The following EXOC4 variants were observed in gnomAD, a reference collection of about 807,000 sequenced individuals.
EXOC4 encodes the protein exocyst complex component 4.
Under a neutral mutation model 107.2 loss-of-function variants are expected in EXOC4, and 71 were observed. The ratio of observed to expected loss-of-function variants is 0.66; its 90% CI spans 0.55 to 0.81. The LOEUF is 0.81. Ranked by LOEUF, EXOC4 falls within the 30% of genes least tolerant of loss-of-function variation. The pLI, the probability that EXOC4 is intolerant of heterozygous loss-of-function variation, is 0.00. For synonymous variants in EXOC4, 456 were observed against 441.2 expected (o/e 1.03, Z -0.42); for missense variants, 1,108 against 1,189.6 (o/e 0.93, Z 1.01).
intron 3 of EXOC4, among the ~76,000 whole-genome samples, chr7:133,302,953 C>T (rs1167094468): frequency 6.6e-6 from 1 of 152,172 alleles, no homozygotes; most frequent in Non-Finnish European, 1.5e-5. Context: ...TAATTATGCA[C>T]ATTCCTAAAT....
chr7:133,966,639 G>T (rs561542632), intron 14 of EXOC4, among the ~76,000 whole-genome samples: 1 of 152,138 alleles, frequency 6.6e-6, no homozygotes, highest in Non-Finnish European at 1.5e-5. Flanking sequence ...ATTGATTTGC[G>T]TATGTTGAAC....
At chr7:133,857,161 T>C (rs1263068607) in intron 11 of EXOC4, among the ~76,000 whole-genome samples, 6 of 8,690 alleles carry the variant, frequency 6.9e-4, no homozygotes, top group Admixed American at 1.3e-3. Flanking sequence ...TATATATATA[T>C]ATATATATAT....
chr7:133,865,848 C>T (rs1026687947), intron 11 of EXOC4, among the ~76,000 whole-genome samples: 1 of 152,202 alleles, frequency 6.6e-6, no homozygotes, highest in African/African-American at 2.4e-5. Flanking sequence ...CACCAAGCCC[C>T]TCTTCCAACA....
At chr7:134,041,115 G>C (rs1406231995) in intron 17 of EXOC4, among the ~76,000 whole-genome samples, 3 of 152,154 alleles carry the variant, frequency 2.0e-5, no homozygotes, top group Admixed American at 6.5e-5. Context: ...TTCTGTTTGA[G>C]TTGATCCTAA....
intron 10 of EXOC4, among the ~76,000 whole-genome samples, chr7:133,723,637 A>G (rs1276453112): frequency 1.3e-5 from 2 of 151,918 alleles, no homozygotes; most frequent in Non-Finnish European, 2.9e-5. Context: ...TTACAGGCAT[A>G]TGTCATCATG....
At chr7:134,010,669 C>G (rs1399656767) in intron 17 of EXOC4, among the ~76,000 whole-genome samples, 1 of 152,220 alleles carries the variant, frequency 6.6e-6, no homozygotes, top group Non-Finnish European at 1.5e-5. Flanking sequence ...TGGACAGCAT[C>G]TGTATTTCCA....
chr7:133,898,767 AAAG>A lies in EXOC4; in HGVS notation c.1871+3034_1871+3036del, dbSNP rs1273332341. On this transcript the variant is annotated intron_variant, in intron 12 of 17. Transcript: ENST00000253861. ...TCTCAAAAAAAAAAAAAAAAAAAAA[AAAG>A]AGTTCGAGACCAGCCTGGCCAACAT... is the stretch of plus-strand genomic sequence containing the variant. Among the ~76,000 whole-genome samples the A allele has an allele frequency of 1.3e-4, 16 of 126,542 alleles. No homozygotes were observed. The South Asian group carries it at 4.0e-3, about 32-fold the overall frequency. 83.0% of individuals were successfully genotyped at this position (126,542 alleles called of 152,430 possible).
At chr7:133,362,018 A>G (rs1026495728) in intron 6 of EXOC4, among the ~76,000 whole-genome samples, 3 of 152,162 alleles carry the variant, frequency 2.0e-5, no homozygotes, top group Non-Finnish European at 4.4e-5. Flanking sequence ...AACTCTTTAC[A>G]TATATAGGAA....
rs547357600 is a variant in EXOC4 at position 134,024,405 on chromosome 7, C to T, written c.2687+16570C>T. ...GGTGGAGCTTCCAGTGAGCCGAGAT[C>T]GCGCCACTGCACTCTAGCCTGGGTT... On this transcript the variant is annotated intron_variant, in intron 17 of 17. Transcript: ENST00000253861. 5.3e-5 allele frequency among the ~76,000 whole-genome samples: 8 copies of T among 151,270 alleles called. 1 individual carries two copies. The South Asian group carries it at 1.7e-3, about 32-fold the overall frequency.
rs1330240046 is a variant in EXOC4 at position 133,572,736 on chromosome 7, G to C, written c.1418-57309G>C. Among the ~76,000 whole-genome samples the C allele has an allele frequency of 1.8e-4, 27 of 152,206 alleles. No homozygotes were observed. In the East Asian group the frequency reaches 2.9e-3, roughly 16 times the overall value. On this transcript the variant is annotated intron_variant, in intron 9 of 17. Coordinates refer to ENST00000253861, the MANE Select transcript of EXOC4 (RefSeq NM_021807.4). ...GTTGGCATTCCAGGGAAGCTTTTGGGGTCCTTAAATGTCATTCCACTGAAA... is the reference window on the plus strand; with the variant it reads ...GTTGGCATTCCAGGGAAGCTTTTGGCGTCCTTAAATGTCATTCCACTGAAA...
chr7:133,355,921 G>A (rs971200307), intron 5 of EXOC4, among the ~76,000 whole-genome samples: 2 of 151,798 alleles, frequency 1.3e-5, no homozygotes, highest in African/African-American at 4.8e-5. Flanking sequence ...TTTCTCCAGC[G>A]ACTTACCACT....
intron 9 of EXOC4, among the ~76,000 whole-genome samples, chr7:133,523,421 T>C (rs1281125401): frequency 6.7e-6 from 1 of 150,182 alleles, no homozygotes; most frequent in Non-Finnish European, 1.5e-5. Flanking sequence ...AAATTAAGAG[T>C]ATATATACCT....
chr7:133,734,439 T>TC (rs1202082326), intron 10 of EXOC4, among the ~76,000 whole-genome samples: 1 of 151,750 alleles, frequency 6.6e-6, no homozygotes, highest in Non-Finnish European at 1.5e-5. Context: ...CTTCACTTTT[T>TC]TTTTTTTTCG....
downstream of EXOC4, among the ~76,000 whole-genome samples, chr7:134,070,012 A>ATATCC (rs1474943781): frequency 1.3e-5 from 2 of 151,996 alleles, no homozygotes; most frequent in Non-Finnish European, 2.9e-5. Flanking sequence ...CTCTAGCAGG[A>ATATCC]TGTGAAAACA....
chr7:133,307,393 A>G (rs1381626143), intron 4 of EXOC4, among the ~76,000 whole-genome samples: 1 of 152,198 alleles, frequency 6.6e-6, no homozygotes, highest in Non-Finnish European at 1.5e-5. Flanking sequence ...TTCTTTCGAC[A>G]ATGCCTGCTG....
chr7:133,260,944 T>C (rs1326489207), intron 1 of EXOC4, among the ~76,000 whole-genome samples: 3 of 152,206 alleles, frequency 2.0e-5, no homozygotes, highest in African/African-American at 7.2e-5. Flanking sequence ...TTGTTTTATA[T>C]AGTTTGTGTT....
intron 4 of EXOC4, among the ~76,000 whole-genome samples, chr7:133,312,184 G>C (rs183632960): frequency 3.4e-4 from 52 of 152,162 alleles, no homozygotes; most frequent in Admixed American, 1.5e-3. Context: ...TGGTATATTG[G>C]TACCATGTAA....
chr7:133,319,228 T>G (rs1046944809), intron 5 of EXOC4, among the ~76,000 whole-genome samples: 1 of 152,182 alleles, frequency 6.6e-6, no homozygotes, highest in African/African-American at 2.4e-5. Context: ...AAATATAAAA[T>G]AAGCTGAAAT....
At chr7:133,756,557 A>G (rs1795921471) in intron 10 of EXOC4, among the ~76,000 whole-genome samples, 1 of 152,226 alleles carries the variant, frequency 6.6e-6, no homozygotes, top group Non-Finnish European at 1.5e-5. Flanking sequence ...CCCACTGAGA[A>G]TGCGGTGAAA....
Sources: gnomAD v4.1 joint callset for allele counts (sites outside exome capture counted in the v4.1 genomes callset) on GRCh38, gnomAD v4.1.1 for gene constraint, MANE v1.5 for transcripts, NCBI Gene and HGNC (gene_info 2026-07-23, HGNC 2026-07-21) for gene names.